The following CLASRP variants were observed in gnomAD, a reference collection of about 807,000 sequenced individuals.
The protein encoded by CLASRP is CLK4-associating serine/arginine rich protein.
A neutral mutation model predicts 99.9 loss-of-function variants in CLASRP; 52 were observed. The observed-to-expected ratio is 0.52, with a 90% CI of 0.42 to 0.66. The LOEUF (loss-of-function observed/expected upper bound fraction) is 0.66. Among genes scored for constraint, CLASRP ranks in the 30% least tolerant of loss-of-function variants. The probability of loss-of-function intolerance (pLI) is 0.00; values close to 1 mark genes in which losing one functional copy is unlikely to be tolerated. For synonymous variants in CLASRP, 379 were observed against 373.0 expected (o/e 1.02, Z -0.18); for missense variants, 848 against 999.2 (o/e 0.85, Z 2.04).
At chr19:45,042,179 T>G (rs1359976374) in intron 2 of CLASRP, among the ~76,000 whole-genome samples, 1 of 152,080 alleles carries the variant, frequency 6.6e-6, no homozygotes, top group African/African-American at 2.4e-5. Context: ...TCGTCTCTAC[T>G]AAAAATACAG....
intron 3 of CLASRP, 95 bp from the exon 4 acceptor site, chr19:45,052,696 G>C: frequency 1.1e-6 from 1 of 885,232 alleles, no homozygotes; most frequent in Non-Finnish European, 1.8e-6. Context: ...CTGAGGGCCA[G>C]GCTTCTAAGC....
At position 45,057,918 on chromosome 19, in the gene CLASRP, C is replaced by T. The variant is rs1972151686; in HGVS notation, c.613+20C>T. The T allele has an allele frequency of 1.2e-6, 2 of 1,613,100 alleles. No homozygotes were observed. The highest frequency in any genetic ancestry group is 2.2e-5 in the South Asian group (2 of 91,028). ...ACATCGGTGGGGTCCCCTCTCTGCC[C>T]TCCCCACCTGCAGTCCCTGGGCATC... On this transcript the variant is annotated intron_variant, in intron 7 of 20. Coordinates refer to ENST00000221455, the MANE Select transcript of CLASRP (RefSeq NM_007056.3).
Position 45,056,502 on chromosome 19 carries a change from C to T in CLASRP, c.432C>T (p.Gly144=). The T allele has an allele frequency of 6.2e-7, 1 of 1,613,918 alleles. No individual in the cohort carries two copies. The highest frequency in any genetic ancestry group is 8.5e-7 in the Non-Finnish European group (1 of 1,179,994). ...YQIYIDELYG[G]LQRPSEDEKK... The stretch of plus-strand genomic sequence containing the variant: ...TCTACATTGATGAGTTGTACGGAGG[C>T]CTCCAGAGACCCAGCGAAGATGAGA... The change falls in exon 6 of 21, where the codon GGC becomes GGT. Residue 144 remains glycine (G), a synonymous_variant. Coordinates refer to ENST00000221455, the MANE Select transcript of CLASRP (RefSeq NM_007056.3).
In CLASRP at chr19:45,068,571, G is replaced by GGCCCTTCCCTAGAGAGGCCAC. The variant is rs1967153175; in HGVS notation, c.1768+94_1768+114dup. On this transcript the variant is annotated intron_variant, in intron 16 of 20. Coordinates refer to ENST00000221455, the MANE Select transcript of CLASRP (RefSeq NM_007056.3). ...GACTCAGCACCACTTTGGGAGGCCT[G>GGCCCTTCCCTAGAGAGGCCAC]GCCCTTCCCTAGAGAGGCCACGCAG... 8 of 1,018,318 alleles carry GGCCCTTCCCTAGAGAGGCCAC rather than the reference G, an allele frequency of 7.9e-6. No individual in the cohort carries two copies. In the South Asian group the frequency reaches 1.0e-4, roughly 13 times the overall value. 63.1% of individuals were successfully genotyped at this position (1,018,318 alleles called of 1,614,324 possible).
intron 7 of CLASRP, 31 bp from the exon 8 acceptor site, chr19:45,059,237 G>C (rs773267958): frequency 1.5e-5 from 23 of 1,583,622 alleles, no homozygotes; most frequent in Non-Finnish European, 1.9e-5. Context: ...TCGCTCGGCC[G>C]TGGCTCCTGA....
intron 6 of CLASRP, among the ~76,000 whole-genome samples, chr19:45,057,127 G>A (rs1018343828): frequency 6.6e-6 from 1 of 152,132 alleles, no homozygotes; most frequent in African/African-American, 2.4e-5. Context: ...CAGGCCTCCC[G>A]CCCTCACACA....
At chr19:45,047,347 G>A (rs1224766517) in intron 2 of CLASRP, 1 of 150,980 alleles carries the variant, frequency 6.6e-6, no homozygotes, top group East Asian at 1.9e-4. Flanking sequence ...AGGAGTTCCA[G>A]GCTGCAGTGA....
chr19:45,065,796 C>T (rs1173298097), intron 13 of CLASRP, among the ~76,000 whole-genome samples: 3 of 152,124 alleles, frequency 2.0e-5, no homozygotes, highest in African/African-American at 7.2e-5. Flanking sequence ...TGTAAAATCG[C>T]GGTAATAGCA....
intron 13 of CLASRP, among the ~76,000 whole-genome samples, chr19:45,065,702 C>CT (rs144842950): frequency 0.014 from 2,141 of 151,828 alleles, 56 homozygotes; most frequent in African/African-American, 0.049. Context: ...CAGGGCTGCC[C>CT]TGGGAAGGGC....
intron 2 of CLASRP, among the ~76,000 whole-genome samples, chr19:45,046,054 A>G (rs1484780077): frequency 1.3e-5 from 2 of 152,150 alleles, no homozygotes; most frequent in Non-Finnish European, 2.9e-5. Flanking sequence ...GCAGGCCTGT[A>G]CAAGCGGCCT....
At chr19:45,055,216 G>A (rs1197193048) in intron 5 of CLASRP, among the ~76,000 whole-genome samples, 1 of 152,226 alleles carries the variant, frequency 6.6e-6, no homozygotes, top group African/African-American at 2.4e-5. Flanking sequence ...GTGACAGACA[G>A]TGTGCCATTC....
At position 45,062,169 on chromosome 19, in the gene CLASRP, C is replaced by G; in HGVS notation, c.879C>G (p.Asp293Glu). ...KISPPSYARRDSPTYDPYKRS... is the reference protein window; with the variant it reads ...KISPPSYARRESPTYDPYKRS... ...TTCTCTGTAGCTATGCCCGCCGAGA[C>G]AGCCCCACCTATGACCCCTATAAGC... The change falls in exon 11 of 21, where the codon GAC becomes GAG. Residue 293 changes from aspartate (D) to glutamate (E), a missense_variant. Asp to Glu is a conservative substitution (Grantham distance 45). This residue lies in a region of CLASRP where 489 missense variants were observed against 434.7 expected (regional missense o/e 1.12). Transcript: ENST00000221455. The G allele has an allele frequency of 6.4e-7, 1 of 1,553,028 alleles. No individual in the cohort carries two copies.
Position 45,064,370 on chromosome 19 carries a change from C to T in CLASRP, c.1149C>T (p.Ser383=), listed in dbSNP as rs1371848202. 5.2e-6 allele frequency: 8 copies of T among 1,528,244 alleles called. No homozygotes were observed. The East Asian group carries it at 7.4e-5, about 14-fold the overall frequency. 94.7% of individuals were successfully genotyped at this position (1,528,244 alleles called of 1,614,324 possible). A position where few individuals can be genotyped will look rare whatever the true frequency, so the allele number is the denominator to read the frequency against. ...GCCGCTCCTCCTCCTCCTCCTCCTCCTCTTCTGCCTCGAGGACCTCCAGCT... is the reference window on the plus strand; with the variant it reads ...GCCGCTCCTCCTCCTCCTCCTCCTCTTCTTCTGCCTCGAGGACCTCCAGCT... The part of the protein sequence containing the change: ...ARRRSSSSSS[S]SSASRTSSSR... The change falls in exon 13 of 21, where the codon TCC becomes TCT. Residue 383 remains serine, a synonymous_variant. Transcript: ENST00000221455.
At chr19:45,069,578 C>T (rs1967185296) in intron 18 of CLASRP, 2 of 520,100 alleles carry the variant, frequency 3.8e-6, no homozygotes, top group Non-Finnish European at 3.5e-6. Flanking sequence ...TTTCTCCTGT[C>T]CCAGCCTCAG....
intron 2 of CLASRP, among the ~76,000 whole-genome samples, chr19:45,048,704 C>G (rs1201995289): frequency 6.6e-6 from 1 of 151,858 alleles, no homozygotes; most frequent in African/African-American, 2.4e-5. Flanking sequence ...AAGAATAGTA[C>G]CAGCTGGGCG....
At chr19:45,068,333 C>CCA in intron 15 of CLASRP, 87 bp from the exon 16 acceptor site, 1 of 645,630 alleles carries the variant, frequency 1.5e-6, no homozygotes, top group Non-Finnish European at 2.8e-6. Flanking sequence ...CCCCCCCCCG[C>CCA]ACAAAGCCCC....
At position 45,060,620 on chromosome 19, in the gene CLASRP, C is replaced by T; in HGVS notation, c.856C>T (p.Pro286Ser). 1 of 1,602,560 alleles carries T rather than the reference C, an allele frequency of 6.2e-7. No homozygotes were observed. Among genetic ancestry groups the T allele is most frequent in the Non-Finnish European group, 8.5e-7 (1 of 1,175,400 alleles). The change falls in exon 10 of 21, where the codon CCA becomes TCA. Residue 286 changes from proline to serine, a missense_variant. By Grantham distance (74) the Pro-to-Ser change is moderately conservative (BLOSUM62 -1). This residue lies in a region of CLASRP where 9 missense variants were observed against 28.5 expected (regional missense o/e 0.32). Transcript: ENST00000221455. This position sits in a 1 kb window ranked among gnomAD's most constrained non-coding sequence, Gnocchi z 4.6. ...EKRLRGRKISPPSYARRDSPT... is the reference protein window; with the variant it reads ...EKRLRGRKISSPSYARRDSPT... ...GCGGCTGAGGGGTCGCAAGATCAGCCCACCCAGGTAGGGCTTCTCCCTGAA... is the reference window on the plus strand; with the variant it reads ...GCGGCTGAGGGGTCGCAAGATCAGCTCACCCAGGTAGGGCTTCTCCCTGAA...
intron 2 of CLASRP, among the ~76,000 whole-genome samples, chr19:45,043,393 C>T (rs546955901): frequency 2.4e-4 from 27 of 114,146 alleles, no homozygotes; most frequent in African/African-American, 9.8e-4. Context: ...GCCTGGGCGA[C>T]AGAGCGAGAC....
intron 18 of CLASRP, 111 bp from the exon 19 acceptor site, chr19:45,069,911 G>C (rs775994928): frequency 1.5e-6 from 1 of 660,138 alleles, no homozygotes; most frequent in African/African-American, 1.8e-5. Flanking sequence ...TGGCAGTACC[G>C]GCCCCCTTGG....
Sources: allele counts gnomAD v4.1 joint callset (sites outside exome capture counted in the v4.1 genomes callset), GRCh38; gene constraint gnomAD v4.1.1; regional missense constraint gnomAD v4.1.1; non-coding constraint Gnocchi (gnomAD v3.1); transcripts MANE v1.5; gene names NCBI Gene and HGNC (gene_info 2026-07-23, HGNC 2026-07-21).